PHF20L1: variants seen among roughly 807,000 people sequenced by gnomAD.
PHF20L1 encodes PHD finger protein 20-like protein 1.
Under a neutral mutation model 125.5 loss-of-function variants are expected in PHF20L1, and 44 were observed. The observed-to-expected ratio is 0.35, with a 90% confidence interval of 0.28 to 0.45. The LOEUF is 0.45. PHF20L1 is among the 20% of genes least tolerant of loss of function. The pLI is 1.00. For missense variants in PHF20L1, 1,012 were observed against 1,217.2 expected, an observed-to-expected ratio of 0.83 and a Z score of 2.51; for synonymous variants, 380 against 403.1, an observed-to-expected ratio of 0.94 and a Z score of 0.69.
At chr8:132,778,164 CTAGAG>C (rs950461807) in intron 2 of PHF20L1, among the ~76,000 whole-genome samples, 1 of 152,048 alleles carries the variant, frequency 6.6e-6, no homozygotes, top group Admixed American at 6.6e-5. Context: ...AAATAATTGT[CTAGAG>C]TATGCGGTTT....
At chr8:132,836,414 ATT>A in intron 15 of PHF20L1, 124 bp from the exon 16 acceptor site, 1 of 639,966 alleles carries the variant, frequency 1.6e-6, no homozygotes, top group Non-Finnish European at 2.7e-6. Context: ...CAGTATTCTT[ATT>A]TGTTTGCTCC....
intron 15 of PHF20L1, among the ~76,000 whole-genome samples, chr8:132,834,150 G>C (rs1837091665): frequency 6.6e-6 from 1 of 152,008 alleles, no homozygotes; most frequent in African/African-American, 2.4e-5. Flanking sequence ...TTTCAGCTCT[G>C]TCATCCATTT....
rs1437394026 is a variant in PHF20L1, at chr8:132,803,800, T to C, written c.508-19T>C. 2.1e-6 allele frequency: 3 copies of C among 1,415,116 alleles called. No homozygotes were observed. Among genetic ancestry groups the C allele is most frequent in the Admixed American group, 1.8e-5 (1 of 55,898 alleles). 87.7% of individuals were successfully genotyped at this position (1,415,116 alleles called of 1,614,324 possible). On this transcript the variant is annotated intron_variant, in intron 6 of 20. Transcript: ENST00000395386. Reference sequence around the variant, plus strand: ...ATTAATTTTTAATACTTCACATGTTTTGTGTTTTTCCTTTGGAGGATTGGA... The same window carrying C: ...ATTAATTTTTAATACTTCACATGTTCTGTGTTTTTCCTTTGGAGGATTGGA...
rs184132115 is a variant in PHF20L1, at chr8:132,783,379, C to T, written c.83+5468C>T. ...TGCAAATGTGAGTTTTTAAGATGTTCGTGCAGAATTTTAATAGTATAGGAG... is the reference window on the plus strand; with the variant it reads ...TGCAAATGTGAGTTTTTAAGATGTTTGTGCAGAATTTTAATAGTATAGGAG... On this transcript the variant is annotated intron_variant, in intron 2 of 20. Transcript: ENST00000395386. 3.9e-5 allele frequency among the ~76,000 whole-genome samples: 6 copies of T among 152,054 alleles called. No homozygotes were observed. In the East Asian group the frequency reaches 5.8e-4, roughly 15 times the overall value.
At chr8:132,811,896 C>G in intron 9 of PHF20L1, 1 of 976,752 alleles carries the variant, frequency 1.0e-6, no homozygotes, top group Non-Finnish European at 1.2e-6. Context: ...TATTACTTTT[C>G]TTTATTAGTA....
At chr8:132,781,420 A>T (rs1830412012) in intron 2 of PHF20L1, among the ~76,000 whole-genome samples, 1 of 151,572 alleles carries the variant, frequency 6.6e-6, no homozygotes, top group Non-Finnish European at 1.5e-5. Context: ...ATCTTATTTT[A>T]TTTATTTTTT....
intron 8 of PHF20L1, chr8:132,808,262 C>T (rs1833961788): frequency 6.6e-6 from 1 of 152,248 alleles, no homozygotes; most frequent in Admixed American, 6.6e-5. Flanking sequence ...TTTTTATGAA[C>T]ACATTGCAAT....
At chr8:132,787,762 T>A (rs1158700984) in intron 2 of PHF20L1, among the ~76,000 whole-genome samples, 1 of 152,120 alleles carries the variant, frequency 6.6e-6, no homozygotes, top group African/African-American at 2.4e-5. Context: ...GGAAAACATT[T>A]TTGAAAACTA....
intron 14 of PHF20L1, among the ~76,000 whole-genome samples, chr8:132,829,459 G>T (rs1836535093): frequency 6.6e-6 from 1 of 152,080 alleles, no homozygotes; most frequent in Admixed American, 6.6e-5. Context: ...ACTTGATACA[G>T]TACCTGGCAT....
intron 6 of PHF20L1, 183 bp from the exon 7 acceptor site, chr8:132,803,636 T>G: frequency 1.8e-6 from 1 of 552,574 alleles, no homozygotes. Flanking sequence ...ATCTAACTCA[T>G]TTGATTATTA....
chr8:132,823,423 AC>A (rs1287078410), intron 12 of PHF20L1, among the ~76,000 whole-genome samples: 2 of 151,986 alleles, frequency 1.3e-5, no homozygotes, highest in African/African-American at 2.4e-5. Context: ...TGGAACTACT[AC>A]TCAGATGAAT....
intron 8 of PHF20L1, among the ~76,000 whole-genome samples, chr8:132,805,463 G>A (rs984466952): frequency 6.6e-6 from 1 of 151,886 alleles, no homozygotes; most frequent in Admixed American, 6.6e-5. Flanking sequence ...AGTGATTCTA[G>A]TCTTCAAAAG....
intron 2 of PHF20L1, among the ~76,000 whole-genome samples, chr8:132,788,144 T>A (rs1831266329): frequency 6.6e-6 from 1 of 152,104 alleles, no homozygotes; most frequent in African/African-American, 2.4e-5. Flanking sequence ...CAAGAGAACA[T>A]CCTTGTTCAG....
chr8:132,793,539 G>A (rs1832022272), intron 2 of PHF20L1, among the ~76,000 whole-genome samples: 1 of 151,948 alleles, frequency 6.6e-6, no homozygotes, highest in African/African-American at 2.4e-5. Flanking sequence ...ATCATCCACT[G>A]TGTGCTGCTA....
At chr8:132,828,086 CTTAATG>C in intron 14 of PHF20L1, among the ~76,000 whole-genome samples, 1 of 152,078 alleles carries the variant, frequency 6.6e-6, no homozygotes, top group African/African-American at 2.4e-5. Flanking sequence ...TTAAAGACAT[CTTAATG>C]TTAAAGAATT....
intron 14 of PHF20L1, among the ~76,000 whole-genome samples, chr8:132,829,112 A>G (rs1035560787): frequency 2.6e-5 from 4 of 152,080 alleles, no homozygotes; most frequent in African/African-American, 9.7e-5. Context: ...TGGGGAATAC[A>G]GACAGGGTGC....
intron 14 of PHF20L1, chr8:132,826,298 G>C (rs1836171457): frequency 6.6e-6 from 1 of 152,104 alleles, no homozygotes; most frequent in Admixed American, 6.6e-5. Context: ...ATAGGTAATA[G>C]CAGATGCTGC....
intron 1 of PHF20L1, among the ~76,000 whole-genome samples, chr8:132,777,362 A>T (rs1355286824): frequency 1.3e-5 from 2 of 152,182 alleles, no homozygotes; most frequent in Non-Finnish European, 2.9e-5. Flanking sequence ...ATATTTGTTG[A>T]AATTAAAAAT....
At chr8:132,787,034 C>A (rs2553592) in intron 2 of PHF20L1, among the ~76,000 whole-genome samples, 70,113 of 151,706 alleles carry the variant, frequency 0.46, 16,328 homozygotes, top group South Asian at 0.52. Flanking sequence ...TTGCTAGCAC[C>A]ATTAAGTAGT....
Sources: gnomAD v4.1 joint callset for allele counts (sites outside exome capture counted in the v4.1 genomes callset) on GRCh38, gnomAD v4.1.1 for gene constraint, MANE v1.5 for transcripts, NCBI Gene and HGNC (gene_info 2026-07-23, HGNC 2026-07-21) for gene names.